Variants in ADARB2 observed in about 807,000 individuals in gnomAD.
ADARB2 encodes the protein inactive double-stranded RNA-specific editase B2.
Under a neutral mutation model 62.2 loss-of-function variants are expected in ADARB2, and 25 were observed. The ratio of observed to expected loss-of-function variants is 0.40; its 90% CI spans 0.29 to 0.56. The LOEUF (loss-of-function observed/expected upper bound fraction) is 0.56, where lower values mean the gene tolerates loss of function less well. Ranked by LOEUF, ADARB2 falls within the 20% of genes least tolerant of loss-of-function variation. The pLI is 0.43. For missense variants in ADARB2, 1,071 were observed against 1,077.4 expected (o/e 0.99, Z 0.08); for synonymous variants, 572 against 500.8 (o/e 1.14, Z -1.90).
intron 1 of ADARB2, among the ~76,000 whole-genome samples, chr10:1,475,492 T>C (rs796900799): frequency 1.1e-4 from 17 of 152,250 alleles, no homozygotes; most frequent in African/African-American, 4.1e-4. Context: ...GCCTGGAGTC[T>C]CCAGAGTCGT....
chr10:1,325,792 C>G (rs1315487935), intron 3 of ADARB2, among the ~76,000 whole-genome samples: 5 of 152,116 alleles, frequency 3.3e-5, no homozygotes, highest in Non-Finnish European at 5.9e-5. Context: ...GCACTGGGCA[C>G]CTGCACTTCT....
chr10:1,249,357 A>G (rs759144106), intron 4 of ADARB2, among the ~76,000 whole-genome samples: 1 of 151,424 alleles, frequency 6.6e-6, no homozygotes, highest in African/African-American at 2.4e-5. Context: ...TGGGAGGATC[A>G]CTTGAGCCCT....
At chr10:1,407,399 G>A (rs967248316) in intron 1 of ADARB2, among the ~76,000 whole-genome samples, 3 of 152,204 alleles carry the variant, frequency 2.0e-5, no homozygotes, top group African/African-American at 7.2e-5. Context: ...AACGGCCGGG[G>A]TGGGGTCTCT....
At chr10:1,583,086 G>A (rs1833127826) in intron 1 of ADARB2, among the ~76,000 whole-genome samples, 1 of 152,188 alleles carries the variant, frequency 6.6e-6, no homozygotes, top group African/African-American at 2.4e-5. Context: ...CAAAGTAATT[G>A]TTGGATTAAG....
chr10:1,347,635 C>A (rs542808593), intron 3 of ADARB2, among the ~76,000 whole-genome samples: 1 of 152,192 alleles, frequency 6.6e-6, no homozygotes, highest in African/African-American at 2.4e-5. Context: ...CAGCTCTTCA[C>A]GCCCATCGGC....
At chr10:1,466,506 G>A (rs1335783749) in intron 1 of ADARB2, among the ~76,000 whole-genome samples, 2 of 152,172 alleles carry the variant, frequency 1.3e-5, no homozygotes, top group African/African-American at 4.8e-5. Flanking sequence ...GGTGGGGGAT[G>A]AAAAACGTTT....
At chr10:1,207,359 T>C (rs1474451856) in intron 7 of ADARB2, among the ~76,000 whole-genome samples, 1 of 152,128 alleles carries the variant, frequency 6.6e-6, no homozygotes, top group African/African-American at 2.4e-5. Flanking sequence ...CTGTACAATT[T>C]TACTCTTTTA....
At chr10:1,196,032 C>T (rs562499586) in intron 8 of ADARB2, among the ~76,000 whole-genome samples, 21 of 152,148 alleles carry the variant, frequency 1.4e-4, no homozygotes, top group East Asian at 3.9e-4. Context: ...CTCTCCCGTC[C>T]GCTTACCTCA....
chr10:1,512,780 A>G (rs2131946176), intron 1 of ADARB2, among the ~76,000 whole-genome samples: 1 of 152,342 alleles, frequency 6.6e-6, no homozygotes, highest in East Asian at 1.9e-4. Flanking sequence ...AGGTGCTCTT[A>G]CGTGTCCCAG....
At chr10:1,242,923 C>A (rs553510403) in intron 4 of ADARB2, among the ~76,000 whole-genome samples, 2 of 152,196 alleles carry the variant, frequency 1.3e-5, no homozygotes, top group Non-Finnish European at 2.9e-5. Context: ...AAACAACCCC[C>A]AACGTAATGT....
chr10:1,187,871 T>C (rs1836783173), intron 8 of ADARB2: 1 of 432,150 alleles, frequency 2.3e-6, no homozygotes, highest in Non-Finnish European at 4.8e-6. Context: ...CATGTGTCCA[T>C]ATGTGCACAG....
At chr10:1,643,337 A>T (rs1436548201) in intron 1 of ADARB2, among the ~76,000 whole-genome samples, 1 of 152,206 alleles carries the variant, frequency 6.6e-6, no homozygotes, top group Non-Finnish European at 1.5e-5. Flanking sequence ...CCACCTGCAG[A>T]TGGAAGGTGA....
rs1836703389 is a variant in ADARB2 at position 1,183,180 on chromosome 10, A to T, written c.*13T>A. 1.2e-6 allele frequency: 2 copies of T among 1,610,564 alleles called. No individual in the cohort carries two copies. The highest frequency in any genetic ancestry group is 4.5e-5 in the East Asian group (2 of 44,828). On this transcript the variant is annotated 3_prime_UTR_variant, in exon 10 of 10. Coordinates refer to ENST00000381312, the MANE Select transcript of ADARB2 (RefSeq NM_018702.4). ...AGCGTCCCGCTCAGCTCCAGCAGCC[A>T]GGAGCCCGCAGCCTAGAGAGTCAGT...
At chr10:1,411,883 C>G (rs908823595) in intron 1 of ADARB2, among the ~76,000 whole-genome samples, 1 of 152,232 alleles carries the variant, frequency 6.6e-6, no homozygotes, top group African/African-American at 2.4e-5. Context: ...ATTTGAAAGA[C>G]ATTGCTTTCA....
chr10:1,731,586 CT>C (rs1835232556), intron 1 of ADARB2, among the ~76,000 whole-genome samples: 1 of 152,168 alleles, frequency 6.6e-6, no homozygotes. Context: ...ATATCAAAAG[CT>C]AGGAATAAAC....
chr10:1,318,161 A>G (rs978552336), intron 3 of ADARB2, among the ~76,000 whole-genome samples: 5 of 152,202 alleles, frequency 3.3e-5, no homozygotes, highest in Non-Finnish European at 7.4e-5. Flanking sequence ...TCTGCTACTT[A>G]TTATTAGTTT....
chr10:1,586,040 A>G (rs973328142), intron 1 of ADARB2, among the ~76,000 whole-genome samples: 1 of 152,116 alleles, frequency 6.6e-6, no homozygotes, highest in Non-Finnish European at 1.5e-5. Context: ...TCTCAAACAA[A>G]CAAACGAACA....
At chr10:1,734,294 GTGT>G (rs1293486427) in intron 1 of ADARB2, among the ~76,000 whole-genome samples, 11 of 120,528 alleles carry the variant, frequency 9.1e-5, no homozygotes, top group South Asian at 7.9e-4. Flanking sequence ...TGTGACGAAG[GTGT>G]TTTTTTTTTT....
At chr10:1,587,877 G>A (rs2132005454) in intron 1 of ADARB2, among the ~76,000 whole-genome samples, 1 of 152,086 alleles carries the variant, frequency 6.6e-6, no homozygotes, top group Non-Finnish European at 1.5e-5. Flanking sequence ...CTTTCTCTTG[G>A]CTCTCATTCT....
Sources: gnomAD v4.1 joint callset for allele counts (sites outside exome capture counted in the v4.1 genomes callset) on GRCh38, gnomAD v4.1.1 for gene constraint, MANE v1.5 for transcripts, NCBI Gene and HGNC (gene_info 2026-07-23, HGNC 2026-07-21) for gene names.